The following ADGRV1 variants were observed in gnomAD, a reference collection of about 807,000 sequenced individuals.
ADGRV1 encodes the protein adhesion G protein-coupled receptor V1.
Under a neutral mutation model 596.2 loss-of-function variants are expected in ADGRV1, and 359 were observed. The observed-to-expected ratio is 0.60, with a 90% confidence interval of 0.55 to 0.66. The LOEUF (loss-of-function observed/expected upper bound fraction) is 0.66. ADGRV1 is among the 30% of genes least tolerant of loss of function. ADGRV1 has a pLI of 0.00. For synonymous variants in ADGRV1, 2,681 were observed against 2,679.2 expected (o/e 1.00, Z -0.02); for missense variants, 7,274 against 7,575.6 (o/e 0.96, Z 1.48).
intron 83 of ADGRV1, among the ~76,000 whole-genome samples, chr5:90,875,009 A>G (rs1029601731): frequency 7.9e-5 from 12 of 152,080 alleles, no homozygotes; most frequent in Admixed American, 2.0e-4. Flanking sequence ...TATATTCTCA[A>G]TTCCTTAAAG....
rs112071831 is a variant in ADGRV1 at position 91,145,647 on chromosome 5, CA to C, written c.18433-4372del. Among the ~76,000 whole-genome samples the C allele has an allele frequency of 7.6e-3, 986 of 129,426 alleles. 3 individuals are homozygous for C. The highest frequency in any genetic ancestry group is 0.039 in the South Asian group (140 of 3,616). 84.9% of individuals were successfully genotyped at this position (129,426 alleles called of 152,430 possible). ...CAATTTAGAATATTATTATTGTTTCCAAAAAAAAAAACAACTCTAATTCAAG... is the reference window on the plus strand; with the variant it reads ...CAATTTAGAATATTATTATTGTTTCCAAAAAAAAAACAACTCTAATTCAAG... On this transcript the variant is annotated intron_variant, in intron 87 of 89. Transcript: ENST00000405460.
intron 84 of ADGRV1, among the ~76,000 whole-genome samples, chr5:90,972,170 C>T (rs1779099278): frequency 6.6e-6 from 1 of 152,166 alleles, no homozygotes; most frequent in Non-Finnish European, 1.5e-5. Flanking sequence ...AATATATATG[C>T]ACCGAATACA....
intron 43 of ADGRV1, among the ~76,000 whole-genome samples, chr5:90,718,989 T>C (rs1333609907): frequency 2.0e-5 from 3 of 152,176 alleles, no homozygotes; most frequent in African/African-American, 7.2e-5. Context: ...GTATATGGCT[T>C]AGTGACTGTA....
chr5:90,903,401 T>C (rs1454554521), intron 83 of ADGRV1, among the ~76,000 whole-genome samples: 4 of 152,180 alleles, frequency 2.6e-5, no homozygotes, highest in South Asian at 2.1e-4. Context: ...GCAATATTTA[T>C]CTCTTTAAAA....
intron 84 of ADGRV1, among the ~76,000 whole-genome samples, chr5:90,971,131 G>C (rs1291990225): frequency 6.6e-6 from 1 of 152,170 alleles, no homozygotes; most frequent in East Asian, 1.9e-4. Context: ...TGAATGAAAT[G>C]AAGCAAGAAG....
chr5:91,084,155 C>T (rs757981366), intron 86 of ADGRV1, among the ~76,000 whole-genome samples: 2 of 152,052 alleles, frequency 1.3e-5, no homozygotes, highest in African/African-American at 2.4e-5. Context: ...TTGTAACCTC[C>T]CTTCCTTCCA....
chr5:90,917,764 T>A (rs1773511719), intron 83 of ADGRV1, among the ~76,000 whole-genome samples: 1 of 152,190 alleles, frequency 6.6e-6, no homozygotes, highest in Non-Finnish European at 1.5e-5. Context: ...TTGTCACAAA[T>A]ACCAAGAAAT....
At position 90,702,702 on chromosome 5, in the gene ADGRV1, C is replaced by T. The variant is rs1333344941; in HGVS notation, c.8156-963C>T. Among the ~76,000 whole-genome samples, 4 of 151,874 alleles carry T rather than the reference C, an allele frequency of 2.6e-5. No individual in the cohort carries two copies. The East Asian group carries it at 7.7e-4, about 29-fold the overall frequency. On this transcript the variant is annotated intron_variant, in intron 34 of 89. Coordinates refer to ENST00000405460, the MANE Select transcript of ADGRV1 (RefSeq NM_032119.4). The stretch of plus-strand genomic sequence containing the variant: ...ATATTACTTATATACACAAAAGTTA[C>T]TTGGATAGCTAACTGAACTAAAACT...
In ADGRV1 at chr5:90,720,195, C is replaced by A; in HGVS notation, c.9595C>A (p.Leu3199Ile). The part of the protein sequence containing the change: ...TVLQNQAPLG[L>I]FSISAVENRA... The stretch of plus-strand genomic sequence containing the variant: ...TTTGCAAAACCAGGCCCCTTTGGGG[C>A]TATTCAGTATCTCTGCAGTTGAAAA... Residue 3199 changes from leucine to isoleucine, a missense_variant, in exon 44 of 90, where the codon CTA (leucine) becomes ATA (isoleucine). This residue lies in a region of ADGRV1 where 3,643 missense variants were observed against 3,809.2 expected (regional missense o/e 0.96). Coordinates refer to ENST00000405460, the MANE Select transcript of ADGRV1 (RefSeq NM_032119.4). 1 of 1,596,974 alleles carries A rather than the reference C, an allele frequency of 6.3e-7. No individual in the cohort carries two copies. The highest frequency in any genetic ancestry group is 1.1e-5 in the South Asian group (1 of 87,006).
At chr5:90,681,700 G>A (rs868047654) in intron 27 of ADGRV1, among the ~76,000 whole-genome samples, 1 of 152,228 alleles carries the variant, frequency 6.6e-6, no homozygotes, top group African/African-American at 2.4e-5. Flanking sequence ...TAATGGAGCT[G>A]TACTACAAGT....
rs573363132 is a variant in ADGRV1 at position 90,739,374 on chromosome 5, T to C, written c.10550-5672T>C. On this transcript the variant is annotated intron_variant, in intron 50 of 89. Coordinates refer to ENST00000405460, the MANE Select transcript of ADGRV1 (RefSeq NM_032119.4). ...TTCCCTGATTTAAAAAAAATCCTTA[T>C]GTTGGCATCTGCACATGTGAGGAAA... Among the ~76,000 whole-genome samples, 17 of 152,320 alleles carry C rather than the reference T, an allele frequency of 1.1e-4. No individual in the cohort carries two copies. In the South Asian group the frequency reaches 3.3e-3, roughly 30 times the overall value.
At chr5:90,565,743 T>C (rs1755554989) in intron 1 of ADGRV1, among the ~76,000 whole-genome samples, 1 of 152,220 alleles carries the variant, frequency 6.6e-6, no homozygotes, top group African/African-American at 2.4e-5. Flanking sequence ...ACCCTGTGCT[T>C]CATTTTTTGA....
intron 83 of ADGRV1, among the ~76,000 whole-genome samples, chr5:90,928,195 GA>G (rs1277106848): frequency 1.3e-5 from 2 of 152,104 alleles, no homozygotes; most frequent in Non-Finnish European, 2.9e-5. Flanking sequence ...CTAGATTGGG[GA>G]AGTTCTCCTG....
At chr5:90,891,780 G>A (rs973191052) in intron 83 of ADGRV1, among the ~76,000 whole-genome samples, 4 of 151,780 alleles carry the variant, frequency 2.6e-5, no homozygotes, top group African/African-American at 4.8e-5. Flanking sequence ...ATGAAGGGAA[G>A]CAAATGTCAT....
In ADGRV1 at chr5:90,807,652, A is replaced by G. The variant is rs1561774698; in HGVS notation, c.14887A>G (p.Thr4963Ala). The G allele has an allele frequency of 6.2e-7, 1 of 1,613,240 alleles. No homozygotes were observed. Among genetic ancestry groups the G allele is most frequent in the East Asian group, 2.2e-5 (1 of 44,872 alleles). ...ACAAAGGAAAGGAGTTTTCCTGTGG[A>G]CGTTTCCTAGCCCTGGTTGGCCAGA... ...GEQRKGVFLW[T>A]FPSPGWPEAF... is the part of the protein sequence containing the mutation. Residue 4963 changes from threonine to alanine, a missense_variant, in exon 73 of 90, where the codon ACG becomes GCG. Thr to Ala is a moderately conservative substitution (Grantham distance 58). This residue lies in a region of ADGRV1 where 1,874 missense variants were observed against 1,970.2 expected (regional missense o/e 0.95). Coordinates refer to ENST00000405460, the MANE Select transcript of ADGRV1 (RefSeq NM_032119.4).
At chr5:90,908,521 G>C (rs1423593021) in intron 83 of ADGRV1, among the ~76,000 whole-genome samples, 3 of 152,016 alleles carry the variant, frequency 2.0e-5, no homozygotes, top group Admixed American at 1.3e-4. Context: ...TTCCTATTCT[G>C]ATTCTTCATA....
intron 33 of ADGRV1, 122 bp from the exon 34 acceptor site, chr5:90,696,815 C>G (rs987719466): frequency 3.2e-5 from 19 of 586,134 alleles, no homozygotes; most frequent in Non-Finnish European, 5.2e-5. Flanking sequence ...TGATATGGAA[C>G]TGTTATAATT....
chr5:90,929,998 A>C (rs1015792836), intron 83 of ADGRV1, among the ~76,000 whole-genome samples: 10 of 152,306 alleles, frequency 6.6e-5, no homozygotes, highest in Middle Eastern at 6.8e-3. Context: ...TTAAAAGGCC[A>C]GTCTATATTT....
At chr5:90,688,165 C>A (rs1245234009) in intron 29 of ADGRV1, among the ~76,000 whole-genome samples, 1 of 152,072 alleles carries the variant, frequency 6.6e-6, no homozygotes, top group Admixed American at 6.5e-5. Flanking sequence ...GCTACAGTAA[C>A]CAAAACAGCA....
Sources: allele counts gnomAD v4.1 joint callset (sites outside exome capture counted in the v4.1 genomes callset), GRCh38; gene constraint gnomAD v4.1.1; regional missense constraint gnomAD v4.1.1; transcripts MANE v1.5; gene names NCBI Gene and HGNC (gene_info 2026-07-23, HGNC 2026-07-21).